The following PFAS variants were observed in gnomAD, a reference collection of about 807,000 sequenced individuals.
The protein encoded by PFAS is FGAM synthase.
Under a neutral mutation model 140.6 loss-of-function variants are expected in PFAS, and 97 were observed. The observed-to-expected ratio is 0.69, with a 90% CI of 0.59 to 0.82. The LOEUF (loss-of-function observed/expected upper bound fraction) is 0.82, where lower values mean the gene tolerates loss of function less well. Among genes scored for constraint, PFAS ranks in the 40% least tolerant of loss-of-function variants. The probability of loss-of-function intolerance (pLI) is 0.00; values close to 1 mark genes in which losing one functional copy is unlikely to be tolerated. For synonymous variants in PFAS, 679 were observed against 718.8 expected (o/e 0.94, Z 0.88); for missense variants, 1,656 against 1,780.2 (o/e 0.93, Z 1.26).
chr17:8,264,702 C>G, intron 17 of PFAS, 101 bp downstream of exon 17: 1 of 1,337,096 alleles, frequency 7.5e-7, no homozygotes, highest in South Asian at 1.4e-5. Flanking sequence ...TTGCCTGGCC[C>G]TGCAGGAAGC....
intron 3 of PFAS, among the ~76,000 whole-genome samples, chr17:8,254,790 C>G (rs951528790): frequency 6.6e-6 from 1 of 152,084 alleles, no homozygotes; most frequent in Admixed American, 6.5e-5. Flanking sequence ...GGCAACAGAG[C>G]AAGACTCTGC....
At position 8,258,208 on chromosome 17, in the gene PFAS, C is replaced by T. The variant is rs777679206; in HGVS notation, c.1336+9C>T. 1.9e-6 allele frequency: 3 copies of T among 1,613,630 alleles called. No homozygotes were observed. In the South Asian group the frequency reaches 3.3e-5, roughly 18 times the overall value. On this transcript the variant is annotated intron_variant, in intron 11 of 27. Transcript: ENST00000314666. ...GGAGGCCCCAGAGCCAGGTAAGAGC[C>T]TGCCACCTTTCTCTGGATCCAGCCA...
At chr17:8,263,061 A>C in intron 12 of PFAS, 48 bp from the exon 13 acceptor site, 1 of 1,610,504 alleles carries the variant, frequency 6.2e-7, no homozygotes. Context: ...GGGAGCGTAT[A>C]GGAGCTTCCA....
chr17:8,255,003 C>G (rs765865255), intron 3 of PFAS, 24 bp from the exon 4 acceptor site: 1 of 1,575,164 alleles, frequency 6.3e-7, no homozygotes, highest in Non-Finnish European at 8.7e-7. Flanking sequence ...TTCTCCAGTC[C>G]TAACCATCAG....
At chr17:8,253,724 A>G in intron 1 of PFAS, 135 bp from the exon 2 acceptor site, 1 of 458,896 alleles carries the variant, frequency 2.2e-6, no homozygotes, top group Non-Finnish European at 3.7e-6. Flanking sequence ...TTTTTAGTAG[A>G]GACAGGGTTT....
At chr17:8,265,722 C>A in intron 20 of PFAS, 83 bp downstream of exon 20, 1 of 1,396,558 alleles carries the variant, frequency 7.2e-7, no homozygotes, top group Non-Finnish European at 1.0e-6. Flanking sequence ...GGGCCCCCAT[C>A]TCAACACTGG....
chr17:8,257,006 C>T, intron 9 of PFAS, 43 bp downstream of exon 9: 1 of 1,608,524 alleles, frequency 6.2e-7, no homozygotes, highest in Middle Eastern at 1.7e-4. Context: ...TTCCAGATTC[C>T]TTGTCCTGGC....
At position 8,266,458 on chromosome 17, in the gene PFAS, T is replaced by C. The variant is rs1989818764; in HGVS notation, c.2821+105T>C. 1.3e-6 allele frequency: 2 copies of C among 1,540,854 alleles called. No homozygotes were observed. Among genetic ancestry groups the C allele is most frequent in the Non-Finnish European group, 1.7e-6 (2 of 1,143,292 alleles). The stretch of plus-strand genomic sequence containing the variant: ...GGAGTGCCCTCCAGTCCCCTTTCCC[T>C]GAGTCTTCCCTGACTAGCTTTTCTG... On this transcript the variant is annotated intron_variant, in intron 22 of 27. Transcript: ENST00000314666. The surrounding 1 kb of genome is among the most constrained non-coding windows in gnomAD (Gnocchi z 5.0).
intron 26 of PFAS, among the ~76,000 whole-genome samples, chr17:8,268,049 A>AATATAT (rs373386097): frequency 3.0e-4 from 40 of 135,418 alleles, no homozygotes; most frequent in South Asian, 1.4e-3. Context: ...TATATTTTTA[A>AATATAT]ATATATATAT....
At chr17:8,264,847 G>T in intron 17 of PFAS, 48 bp from the exon 18 acceptor site, 1 of 1,349,840 alleles carries the variant, frequency 7.4e-7, no homozygotes, top group Non-Finnish European at 1.0e-6. Context: ...CGGGAGCTCA[G>T]GCTGTCCCTG....
intron 11 of PFAS, among the ~76,000 whole-genome samples, chr17:8,262,694 G>A (rs1024735001): frequency 1.8e-4 from 27 of 152,068 alleles, no homozygotes; most frequent in Non-Finnish European, 2.6e-4. Flanking sequence ...TACTCAGGAG[G>A]CTGAGGCAGG....
intron 6 of PFAS, 27 bp downstream of exon 6, chr17:8,255,937 A>T: frequency 6.6e-7 from 1 of 1,522,318 alleles, no homozygotes; most frequent in African/African-American, 1.4e-5. Context: ...TTGTTCCCAT[A>T]CCTGAGCCCA....
chr17:8,265,033 G>T lies in PFAS; in HGVS notation c.2188G>T (p.Val730Phe). ...GAATALGEQP[V>F]KSLLDPKVAA... Reference sequence around the variant, plus strand: ...TGCCACAGCCTTGGGAGAACAGCCAGTCAAGAGCCTGCTGGACCCAAAAGT... The same window carrying T: ...TGCCACAGCCTTGGGAGAACAGCCATTCAAGAGCCTGCTGGACCCAAAAGT... Residue 730 changes from valine (V) to phenylalanine (F), a missense_variant, in exon 18 of 28, where the codon GTC becomes TTC. Val to Phe is a conservative substitution (Grantham distance 50). This residue lies in a region of PFAS where 883 missense variants were observed against 1,023.0 expected (regional missense o/e 0.86). Transcript: ENST00000314666. 3 of 1,613,766 alleles carry T rather than the reference G, an allele frequency of 1.9e-6. No homozygotes were observed. The highest frequency in any genetic ancestry group is 1.7e-6 in the Non-Finnish European group (2 of 1,180,012).
At position 8,255,854 on chromosome 17, in the gene PFAS, G is replaced by A; in HGVS notation, c.624G>A (p.Gln208=). The A allele has an allele frequency of 6.2e-7, 1 of 1,614,164 alleles. No individual in the cohort carries two copies. Among genetic ancestry groups the A allele is most frequent in the Non-Finnish European group, 8.5e-7 (1 of 1,180,024 alleles). The part of the protein sequence containing the change: ...WDLDFYTKRF[Q]ELQRNPSTVE... ...TAGACTTCTACACCAAGCGCTTCCA[G>A]GAGCTACAGCGGAACCCGAGCACTG... Residue 208 remains glutamine, a synonymous_variant, in exon 6 of 28, where the codon CAG becomes CAA. Coordinates refer to ENST00000314666, the MANE Select transcript of PFAS (RefSeq NM_012393.3).
In PFAS at chr17:8,256,471, G is replaced by A. The variant is rs138221807; in HGVS notation, c.822-53G>A. ...GAGGGGAGGCCCCAGGCCCTGGTTGGGTTAGTGTAGGTCCCAGAAAGGAAG... is the reference window on the plus strand; with the variant it reads ...GAGGGGAGGCCCCAGGCCCTGGTTGAGTTAGTGTAGGTCCCAGAAAGGAAG... On this transcript the variant is annotated intron_variant, in intron 7 of 27. Transcript: ENST00000314666. 6.1e-5 allele frequency: 98 copies of A among 1,613,808 alleles called. No homozygotes were observed. In the East Asian group the frequency reaches 1.8e-3, roughly 30 times the overall value.
rs368076965 is a variant in PFAS at position 8,265,370 on chromosome 17, T to C, written c.2363T>C (p.Met788Thr). 1 of 1,614,060 alleles carries C rather than the reference T, an allele frequency of 6.2e-7. No individual in the cohort carries two copies. Among genetic ancestry groups the C allele is most frequent in the Non-Finnish European group, 8.5e-7 (1 of 1,180,026 alleles). The part of the protein sequence containing the change: ...GAALADACEA[M>T]VAVMAALGVA... ...GCTTTGGCGGATGCCTGTGAGGCTA[T>C]GGTGGCAGTGATGGCAGCCCTGGGT... is the stretch of plus-strand genomic sequence containing the variant. The change falls in exon 19 of 28, where the codon ATG becomes ACG. Residue 788 changes from methionine to threonine, a missense_variant. Coordinates refer to ENST00000314666, the MANE Select transcript of PFAS (RefSeq NM_012393.3).
chr17:8,249,870 A>G lies in PFAS; in HGVS notation c.-80+531A>G, dbSNP rs114623313. On this transcript the variant is annotated intron_variant, in intron 1 of 27. Transcript: ENST00000314666. ...TATTGTTCTAAGCCTTGGTAATTCA[A>G]TGGAAACGAAGCAGCAACATCCCAT... 5.1e-3 allele frequency among the ~76,000 whole-genome samples: 773 copies of G among 151,862 alleles called. 4 individuals carry two copies. Among genetic ancestry groups the G allele is most frequent in the African/African-American group, 0.017 (715 of 41,118 alleles).
chr17:8,264,749 C>A, intron 17 of PFAS, 146 bp from the exon 18 acceptor site: 1 of 1,019,624 alleles, frequency 9.8e-7, no homozygotes, highest in Non-Finnish European at 1.4e-6. Flanking sequence ...GGCCTGGTCT[C>A]CCTGCTACCC....
upstream of PFAS, chr17:8,247,659 T>G: frequency 4.2e-6 from 1 of 237,934 alleles, no homozygotes; most frequent in South Asian, 5.7e-5. Flanking sequence ...CAGACGCTTT[T>G]ACTTATTATG....
Sources: gnomAD v4.1 joint callset for allele counts (sites outside exome capture counted in the v4.1 genomes callset) on GRCh38, gnomAD v4.1.1 for gene constraint, gnomAD v4.1.1 regional missense constraint, Gnocchi (gnomAD v3.1) non-coding constraint, MANE v1.5 for transcripts, NCBI Gene and HGNC (gene_info 2026-07-23, HGNC 2026-07-21) for gene names.